The following ARHGAP24 variants were observed in gnomAD, a reference collection of about 807,000 sequenced individuals.
ARHGAP24 encodes the protein rho GTPase-activating protein 24.
A neutral mutation model predicts 76.4 loss-of-function variants in ARHGAP24; 50 were observed. The observed-to-expected ratio is 0.65, with a 90% confidence interval of 0.52 to 0.83. The LOEUF is 0.83. Among genes scored for constraint, ARHGAP24 ranks in the 40% least tolerant of loss-of-function variants. The pLI is 0.00. For synonymous variants in ARHGAP24, 345 were observed against 323.3 expected, an observed-to-expected ratio of 1.07 and a Z score of -0.72; for missense variants, 930 against 914.2, an observed-to-expected ratio of 1.02 and a Z score of -0.22.
chr4:85,591,728 T>C (rs148681491), intron 2 of ARHGAP24, among the ~76,000 whole-genome samples: 279 of 152,302 alleles, frequency 1.8e-3, no homozygotes, highest in African/African-American at 6.6e-3. Context: ...GACATTTTCT[T>C]CATTGCAAGG....
intron 1 of ARHGAP24, among the ~76,000 whole-genome samples, chr4:85,544,181 T>G (rs905336423): frequency 6.6e-6 from 1 of 152,202 alleles, no homozygotes; most frequent in African/African-American, 2.4e-5. Flanking sequence ...AATATGCAAA[T>G]TTTTGTAAAT....
At chr4:85,918,708 G>A (rs949215180) in intron 3 of ARHGAP24, among the ~76,000 whole-genome samples, 6 of 151,794 alleles carry the variant, frequency 4.0e-5, no homozygotes, top group African/African-American at 1.5e-4. Context: ...TTATTTTTAA[G>A]AAAGAAAAAT....
At chr4:85,978,446 G>T (rs1739461524) in intron 8 of ARHGAP24, among the ~76,000 whole-genome samples, 1 of 152,074 alleles carries the variant, frequency 6.6e-6, no homozygotes, top group East Asian at 1.9e-4. Flanking sequence ...GATCTTACGT[G>T]TGAGAAAAAA....
intron 2 of ARHGAP24, among the ~76,000 whole-genome samples, chr4:85,700,477 G>A (rs1300633469): frequency 6.6e-6 from 1 of 151,680 alleles, no homozygotes; most frequent in African/African-American, 2.4e-5. Context: ...TGGTGCAAAA[G>A]AGGAAAGTCA....
At chr4:85,753,873 C>T (rs1014732755) in intron 3 of ARHGAP24, among the ~76,000 whole-genome samples, 8 of 152,168 alleles carry the variant, frequency 5.3e-5, no homozygotes, top group Non-Finnish European at 1.2e-4. Context: ...GGAGAGCCAT[C>T]ATTTCCAACA....
rs922548318 is a variant in ARHGAP24, at chr4:85,695,457, T to G, written c.181-26428T>G. Among the ~76,000 whole-genome samples, 6 of 152,318 alleles carry G rather than the reference T, an allele frequency of 3.9e-5. No homozygotes were observed. In the East Asian group the frequency reaches 1.2e-3, roughly 29 times the overall value. On this transcript the variant is annotated intron_variant, in intron 2 of 9. Transcript: ENST00000395184. The stretch of plus-strand genomic sequence containing the variant: ...ATATATTCCATCATAATAAGAATGC[T>G]CAATCATATCATAGATGGAAAAAAA...
intron 1 of ARHGAP24, among the ~76,000 whole-genome samples, chr4:85,568,625 C>T (rs942398733): frequency 1.3e-5 from 2 of 152,064 alleles, no homozygotes; most frequent in East Asian, 1.9e-4. Context: ...AAATTGGAGG[C>T]ATCAGGCATG....
chr4:85,981,137 G>A (rs1259604260), intron 8 of ARHGAP24, among the ~76,000 whole-genome samples: 1 of 152,190 alleles, frequency 6.6e-6, no homozygotes, highest in Non-Finnish European at 1.5e-5. Flanking sequence ...TCAAGGGGAA[G>A]CATTTGTGTG....
intron 1 of ARHGAP24, among the ~76,000 whole-genome samples, chr4:85,504,798 C>A (rs930202282): frequency 6.6e-6 from 1 of 152,142 alleles, no homozygotes; most frequent in Non-Finnish European, 1.5e-5. Flanking sequence ...TTAATTGATG[C>A]AGTTTCTTCA....
chr4:85,926,320 G>A (rs952194753), intron 4 of ARHGAP24, among the ~76,000 whole-genome samples: 1 of 152,188 alleles, frequency 6.6e-6, no homozygotes, highest in Non-Finnish European at 1.5e-5. Context: ...TAGAAACAAT[G>A]CTTCAAAGAA....
intron 2 of ARHGAP24, among the ~76,000 whole-genome samples, chr4:85,703,710 A>G (rs920325450): frequency 7.9e-5 from 12 of 152,152 alleles, no homozygotes; most frequent in Non-Finnish European, 1.5e-4. Flanking sequence ...TGTGAGAAAG[A>G]CATTTATCCT....
intron 2 of ARHGAP24, among the ~76,000 whole-genome samples, chr4:85,617,559 G>C (rs1158204263): frequency 6.6e-6 from 1 of 151,934 alleles, no homozygotes; most frequent in African/African-American, 2.4e-5. Flanking sequence ...TAGACATACA[G>C]TTATATACCA....
chr4:85,698,683 G>C (rs1450490060), intron 2 of ARHGAP24, among the ~76,000 whole-genome samples: 1 of 152,164 alleles, frequency 6.6e-6, no homozygotes, highest in Non-Finnish European at 1.5e-5. Context: ...ACATGGTTGG[G>C]TTCTGGCGAG....
chr4:85,536,937 C>A (rs931931255), intron 1 of ARHGAP24, among the ~76,000 whole-genome samples: 2 of 152,036 alleles, frequency 1.3e-5, no homozygotes, highest in Non-Finnish European at 2.9e-5. Flanking sequence ...TTCAAAGGCA[C>A]AACAATTTAT....
At chr4:85,772,704 C>T (rs933634656) in intron 3 of ARHGAP24, among the ~76,000 whole-genome samples, 1 of 152,304 alleles carries the variant, frequency 6.6e-6, no homozygotes, top group Admixed American at 6.5e-5. Context: ...AGTAGCTAAA[C>T]ATGTAGTTCC....
chr4:85,535,893 T>G (rs542568889), intron 1 of ARHGAP24, among the ~76,000 whole-genome samples: 1 of 152,294 alleles, frequency 6.6e-6, no homozygotes, highest in South Asian at 2.1e-4. Context: ...TCTCTTTCAA[T>G]TCTCTGAAGC....
chr4:85,914,299 A>C (rs1028574058), intron 3 of ARHGAP24, among the ~76,000 whole-genome samples: 2 of 152,224 alleles, frequency 1.3e-5, no homozygotes, highest in Non-Finnish European at 2.9e-5. Context: ...TGCTATAGCG[A>C]ATTATCTTAT....
intron 3 of ARHGAP24, among the ~76,000 whole-genome samples, chr4:85,749,807 T>G (rs1049945677): frequency 6.6e-6 from 1 of 152,194 alleles, no homozygotes; most frequent in African/African-American, 2.4e-5. Context: ...CCTCAGGTGA[T>G]TCACCCACCT....
intron 1 of ARHGAP24, among the ~76,000 whole-genome samples, chr4:85,499,007 C>G (rs1241400173): frequency 6.6e-6 from 1 of 152,132 alleles, no homozygotes; most frequent in Non-Finnish European, 1.5e-5. Flanking sequence ...GAGAAGAAAC[C>G]TCACAGTTAA....
Sources: allele counts gnomAD v4.1 joint callset (sites outside exome capture counted in the v4.1 genomes callset), GRCh38; gene constraint gnomAD v4.1.1; transcripts MANE v1.5; gene names NCBI Gene and HGNC (gene_info 2026-07-23, HGNC 2026-07-21).